Variants in ZP3 observed in about 807,000 individuals in gnomAD.
The protein encoded by ZP3 is zona pellucida glycoprotein 3.
In ZP3, 21 loss-of-function variants were observed where a neutral mutation model predicts 35.6. That is an observed-to-expected ratio of 0.59 (90% CI 0.42 to 0.85). The LOEUF is 0.85. Ranked by LOEUF, ZP3 falls within the 40% of genes least tolerant of loss-of-function variation. The probability of loss-of-function intolerance (pLI) is 0.00; values close to 1 mark genes in which losing one functional copy is unlikely to be tolerated. For missense variants in ZP3, 437 were observed against 536.5 expected, an observed-to-expected ratio of 0.81 and a Z score of 1.83; for synonymous variants, 207 against 214.5, an observed-to-expected ratio of 0.96 and a Z score of 0.31.
intron 1 of ZP3, chr7:76,429,026 C>T: frequency 5.9e-6 from 1 of 170,200 alleles, no homozygotes; most frequent in Non-Finnish European, 1.3e-5. Flanking sequence ...TGACTGCTTC[C>T]TGGCGGCTAT....
At chr7:76,432,502 G>A (rs112632541) in intron 2 of ZP3, among the ~76,000 whole-genome samples, 6 of 152,036 alleles carry the variant, frequency 3.9e-5, no homozygotes, top group African/African-American at 1.2e-4. Context: ...TTTTTATAGA[G>A]ATAGAGTCTT....
intron 2 of ZP3, 54 bp downstream of exon 2, chr7:76,429,687 T>G: frequency 5.4e-6 from 8 of 1,482,470 alleles, no homozygotes; most frequent in Non-Finnish European, 5.6e-6. Context: ...TGGGTGTGGC[T>G]GCAGGCAAGT....
At chr7:76,399,887 C>T (rs947200117) in intron 1 of ZP3, among the ~76,000 whole-genome samples, 1 of 152,116 alleles carries the variant, frequency 6.6e-6, no homozygotes, top group Non-Finnish European at 1.5e-5. Context: ...GTAGTTCCAG[C>T]TACTGAGGCG....
chr7:76,405,339 C>CTTTCTTTCTTTTT (rs1271510975), intron 1 of ZP3, among the ~76,000 whole-genome samples: 1 of 21,394 alleles, frequency 4.7e-5, no homozygotes, highest in African/African-American at 2.1e-4. Flanking sequence ...TTCTTTCTTT[C>CTTTCTTTCTTTTT]TTTTTTTTTT....
At chr7:76,432,705 G>A (rs927678388) in intron 2 of ZP3, among the ~76,000 whole-genome samples, 15 of 152,186 alleles carry the variant, frequency 9.9e-5, no homozygotes, top group African/African-American at 3.4e-4. Context: ...TAGCATCATA[G>A]CATCAGTTAG....
exon 1 of ZP3, chr7:76,397,531 G>T (rs752811372): frequency 6.4e-7 from 1 of 1,568,464 alleles, no homozygotes; most frequent in East Asian, 2.3e-5. Context: ...CGCAGAGCGC[G>T]CCCGCGTCCT....
chr7:76,432,591 C>T (rs1215153711), intron 2 of ZP3, among the ~76,000 whole-genome samples: 1 of 152,138 alleles, frequency 6.6e-6, no homozygotes, highest in Non-Finnish European at 1.5e-5. Flanking sequence ...GCTGGGATTA[C>T]AGGCATGAGC....
intron 2 of ZP3, among the ~76,000 whole-genome samples, chr7:76,431,638 G>A (rs927144997): frequency 2.6e-5 from 4 of 152,142 alleles, no homozygotes; most frequent in South Asian, 2.1e-4. Flanking sequence ...GGTGGCTCAC[G>A]CCTATAATCC....
chr7:76,402,700 G>A (rs1023525829), intron 1 of ZP3, among the ~76,000 whole-genome samples: 6 of 151,618 alleles, frequency 4.0e-5, no homozygotes, highest in Admixed American at 1.3e-4. Context: ...ACGGAATTTC[G>A]CTCTTGTTGC....
chr7:76,411,605 C>T (rs188889662), intron 1 of ZP3, among the ~76,000 whole-genome samples: 1 of 151,988 alleles, frequency 6.6e-6, no homozygotes, highest in Admixed American at 6.6e-5. Flanking sequence ...GTTATTGCCA[C>T]CCACCTATGA....
upstream of ZP3, among the ~76,000 whole-genome samples, chr7:76,423,031 G>GA (rs1407806183): frequency 8.7e-6 from 1 of 114,486 alleles, no homozygotes; most frequent in African/African-American, 3.4e-5. Context: ...GAGAGAGAAA[G>GA]AAAGAAAGAA....
At chr7:76,405,945 C>T (rs1162754184) in intron 1 of ZP3, among the ~76,000 whole-genome samples, 1 of 150,628 alleles carries the variant, frequency 6.6e-6, no homozygotes, top group Non-Finnish European at 1.5e-5. Flanking sequence ...CCCTCCCTTT[C>T]TTTCCTTCCT....
At chr7:76,399,544 T>G (rs1294695605) in intron 1 of ZP3, among the ~76,000 whole-genome samples, 1 of 151,932 alleles carries the variant, frequency 6.6e-6, no homozygotes, top group African/African-American at 2.4e-5. Flanking sequence ...GTTTTTTTCT[T>G]TGTTTTTCGA....
At chr7:76,406,377 T>A (rs1412158860) in intron 1 of ZP3, among the ~76,000 whole-genome samples, 1 of 152,210 alleles carries the variant, frequency 6.6e-6, no homozygotes, top group African/African-American at 2.4e-5. Flanking sequence ...TAATTCTTTT[T>A]AAATTGTACA....
At position 76,433,004 on chromosome 7, in the gene ZP3, T is replaced by A. The variant is rs1251534452; in HGVS notation, c.509T>A (p.Leu170Gln). The A allele has an allele frequency of 1.2e-6, 2 of 1,614,112 alleles. No individual in the cohort carries two copies. The highest frequency in any genetic ancestry group is 2.2e-5 in the South Asian group (2 of 91,062). ...FRTTVFSEEKLTFSLRLMEEN... is the reference protein window; with the variant it reads ...FRTTVFSEEKQTFSLRLMEEN... Reference sequence around the variant, plus strand: ...ACCACGGTGTTCTCAGAGGAGAAGCTGACTTTCTCTCTGCGTCTGATGGAG... The same window carrying A: ...ACCACGGTGTTCTCAGAGGAGAAGCAGACTTTCTCTCTGCGTCTGATGGAG... The change falls in exon 3 of 8, where the codon CTG becomes CAG. Residue 170 changes from leucine (L) to glutamine (Q), a missense_variant. Transcript: ENST00000394857.
chr7:76,428,046 T>C (rs1333033628), intron 1 of ZP3, among the ~76,000 whole-genome samples: 1 of 151,050 alleles, frequency 6.6e-6, no homozygotes, highest in African/African-American at 2.4e-5. Flanking sequence ...TGGTTGGGGG[T>C]TGAGTCATGG....
upstream of ZP3, among the ~76,000 whole-genome samples, chr7:76,424,489 C>T (rs1584054782): frequency 6.6e-6 from 1 of 152,158 alleles, no homozygotes; most frequent in Admixed American, 6.5e-5. Flanking sequence ...ATTAGCCAGG[C>T]GCGGTGGCGC....
chr7:76,404,654 G>C, intron 1 of ZP3: 4 of 637,930 alleles, frequency 6.3e-6, no homozygotes, highest in Non-Finnish European at 1.1e-5. Context: ...AATGAGGCCG[G>C]GTGTGGTGGC....
chr7:76,397,893 G>A, intron 1 of ZP3: 1 of 1,433,996 alleles, frequency 7.0e-7, no homozygotes, highest in Admixed American at 2.7e-5. Context: ...CGTCCGCACC[G>A]CAAGGGCAGC....
Sources: allele counts gnomAD v4.1 joint callset (sites outside exome capture counted in the v4.1 genomes callset), GRCh38; gene constraint gnomAD v4.1.1; transcripts MANE v1.5; gene names NCBI Gene and HGNC (gene_info 2026-07-23, HGNC 2026-07-21).